The following FBXL14 variants were observed in gnomAD, a reference collection of about 807,000 sequenced individuals.
FBXL14 encodes the protein F-box and leucine rich repeat protein 14, also known as F-box/LRR-repeat protein 14.
FBXL14 carries 11 observed loss-of-function variants against 24.5 expected under a neutral mutation model. That is an observed-to-expected ratio of 0.45 (90% CI 0.28 to 0.74). The LOEUF (loss-of-function observed/expected upper bound fraction) is 0.74, where lower values mean the gene tolerates loss of function less well. Ranked by LOEUF, FBXL14 falls within the 30% of genes least tolerant of loss-of-function variation. The pLI is 0.12. For missense variants in FBXL14, 384 were observed against 545.6 expected, an observed-to-expected ratio of 0.70 and a Z score of 2.95; for synonymous variants, 294 against 240.4, an observed-to-expected ratio of 1.22 and a Z score of -2.06.
intron 1 of FBXL14, among the ~76,000 whole-genome samples, chr12:1,571,233 GT>G (rs2094445008): frequency 2.0e-5 from 3 of 151,850 alleles, no homozygotes; most frequent in Non-Finnish European, 4.4e-5. Flanking sequence ...TTGAGACAGA[GT>G]TTTTGCTCTT....
intron 1 of FBXL14, among the ~76,000 whole-genome samples, chr12:1,571,556 C>T (rs779750973): frequency 6.6e-5 from 10 of 152,184 alleles, no homozygotes; most frequent in Non-Finnish European, 1.3e-4. Context: ...CAACACAGCT[C>T]ATCAGTTTCA....
Position 1,594,169 on chromosome 12 carries a change from G to GCCA in FBXL14, c.-104_-103insTGG. 1.1e-6 allele frequency: 1 copy of GCCA among 916,550 alleles called. No homozygotes were observed. Among genetic ancestry groups the GCCA allele is most frequent in the Non-Finnish European group, 1.4e-6 (1 of 716,960 alleles). The allele number at this position is 916,550 out of a possible 1,614,324, so 56.8% of individuals were successfully genotyped here. ...GCGCTTCTCCCCAGCCGCCGCCGCC[G>GCCA]CCGCCGCCGCCGCCTCGGGCCCAAC... On this transcript the variant is annotated 5_prime_UTR_variant, in exon 1 of 2. Transcript: ENST00000339235.
rs1407831818 is a variant in FBXL14, at chr12:1,593,057, A to G, written c.1010T>C (p.Ile337Thr). The change falls in exon 1 of 2, where the codon ATT becomes ACT. Residue 337 changes from isoleucine to threonine, a missense_variant. Transcript: ENST00000339235. This position sits in a 1 kb window ranked among gnomAD's most constrained non-coding sequence, Gnocchi z 7.4. ...GTCCGTGATGCGCACACACTGTCCA[A>G]TGTTGAGCGTGCGCAGCCCGTGCAT... ...RQMHGLRTLN[I>T]GQCVRITDKG... The G allele has an allele frequency of 6.2e-7, 1 of 1,612,730 alleles. No homozygotes were observed. The highest frequency in any genetic ancestry group is 8.5e-7 in the Non-Finnish European group (1 of 1,180,020).
rs542327756 is a variant in FBXL14, at chr12:1,591,378, A to G, written c.1194+1495T>C. 1.5e-4 allele frequency among the ~76,000 whole-genome samples: 22 copies of G among 144,006 alleles called. 1 individual carries two copies. In the South Asian group the frequency reaches 1.8e-3, roughly 12 times the overall value. The allele number at this position is 144,006 out of a possible 152,430, so 94.5% of individuals were successfully genotyped here. On this transcript the variant is annotated intron_variant, in intron 1 of 1. Coordinates refer to ENST00000339235, the MANE Select transcript of FBXL14 (RefSeq NM_152441.3). ...TTTTTTTTTTTCAAAAACATACTTC[A>G]TATTTCCTCTTTTATTATATAAATA...
chr12:1,593,699 T>C lies in FBXL14; in HGVS notation c.368A>G (p.Asn123Ser), dbSNP rs1291542584. ...AGTGATCTGCTTGCAGAGGCTCAGG[T>C]TGAGAGCGCGCAGGGAGCCGATCTC... ...VQEIGSLRAL[N>S]LSLCKQITDS... Residue 123 changes from asparagine (N) to serine (S), a missense_variant, in exon 1 of 2, where the codon AAC (asparagine) becomes AGC (serine). By Grantham distance (46) the Asn-to-Ser change is conservative (BLOSUM62 1). Coordinates refer to ENST00000339235, the MANE Select transcript of FBXL14 (RefSeq NM_152441.3). This position sits in a 1 kb window ranked among gnomAD's most constrained non-coding sequence, Gnocchi z 7.4. 2.5e-6 allele frequency: 4 copies of C among 1,614,068 alleles called. No individual in the cohort carries two copies. The highest frequency in any genetic ancestry group is 3.4e-6 in the Non-Finnish European group (4 of 1,179,992).
intron 1 of FBXL14, among the ~76,000 whole-genome samples, chr12:1,575,349 CTCTAA>C (rs2154437851): frequency 6.6e-6 from 1 of 152,318 alleles, no homozygotes; most frequent in African/African-American, 2.4e-5. Context: ...TATCTTATTT[CTCTAA>C]TCTTATCTAT....
chr12:1,569,682 G>A lies in FBXL14; in HGVS notation c.1195-2872C>T, dbSNP rs1443007503. 6.6e-6 allele frequency among the ~76,000 whole-genome samples: 1 copy of A among 152,238 alleles called. No individual in the cohort carries two copies. The highest frequency in any genetic ancestry group is 1.5e-5 in the Non-Finnish European group (1 of 68,044). On this transcript the variant is annotated intron_variant, in intron 1 of 1. Coordinates refer to ENST00000339235, the MANE Select transcript of FBXL14 (RefSeq NM_152441.3). The surrounding 1 kb of genome is among the most constrained non-coding windows in gnomAD (Gnocchi z 4.2). ...CCCAGAGTGCTGGGATTACAGGCGTGAGCCACCGCTCCCGGCACCACTTGG... is the reference window on the plus strand; with the variant it reads ...CCCAGAGTGCTGGGATTACAGGCGTAAGCCACCGCTCCCGGCACCACTTGG...
intron 1 of FBXL14, among the ~76,000 whole-genome samples, chr12:1,585,969 T>A (rs780870345): frequency 6.6e-6 from 1 of 152,224 alleles, no homozygotes; most frequent in Non-Finnish European, 1.5e-5. Context: ...TGCATTACTA[T>A]GTGCAACAAA....
At chr12:1,588,382 G>A (rs2094481232) in intron 1 of FBXL14, among the ~76,000 whole-genome samples, 1 of 152,176 alleles carries the variant, frequency 6.6e-6, no homozygotes, top group African/African-American at 2.4e-5. Context: ...GTAAGAGAAA[G>A]TTCATACCTT....
At chr12:1,573,846 A>T (rs2094449931) in intron 1 of FBXL14, among the ~76,000 whole-genome samples, 1 of 152,160 alleles carries the variant, frequency 6.6e-6, no homozygotes, top group African/African-American at 2.4e-5. Context: ...CTCTACTACA[A>T]ATAACACAAT....
rs756919532 is a variant in FBXL14 at position 1,593,154 on chromosome 12, C to T, written c.913G>A (p.Asp305Asn). 1 of 1,613,780 alleles carries T rather than the reference C, an allele frequency of 6.2e-7. No individual in the cohort carries two copies. Among genetic ancestry groups the T allele is most frequent in the Non-Finnish European group, 8.5e-7 (1 of 1,180,042 alleles). Residue 305 changes from aspartate to asparagine, a missense_variant, in exon 1 of 2, where the codon GAT (aspartate) becomes AAT (asparagine). By Grantham distance (23) the Asp-to-Asn change is conservative. Transcript: ENST00000339235. This position sits in a 1 kb window ranked among gnomAD's most constrained non-coding sequence, Gnocchi z 7.4. ...QSLAYIAQGL[D>N]GLKSLSLCSC... is the part of the protein sequence containing the mutation. ...CAGAGGGAGAGAGACTTGAGGCCAT[C>T]CAGCCCCTGGGCTATGTAAGCCAGA...
intron 1 of FBXL14, among the ~76,000 whole-genome samples, chr12:1,570,236 AG>A (rs1447821194): frequency 6.6e-6 from 1 of 152,202 alleles, no homozygotes. Context: ...GAGACAAGGA[AG>A]GGAAGACAGC....
At chr12:1,572,245 G>A (rs1197212010) in intron 1 of FBXL14, among the ~76,000 whole-genome samples, 1 of 152,214 alleles carries the variant, frequency 6.6e-6, no homozygotes, top group Non-Finnish European at 1.5e-5. Context: ...ATAACTTTAT[G>A]AGGTATAATT....
rs1395333430 is a variant in FBXL14, at chr12:1,569,502, G to A, written c.1195-2692C>T. ...TGCAAGCTCCGCTTCCCGGGTTCAC[G>A]CCATTCTCCTGCCTCAGCCTCCTGA... On this transcript the variant is annotated intron_variant, in intron 1 of 1. Transcript: ENST00000339235. This position sits in a 1 kb window ranked among gnomAD's most constrained non-coding sequence, Gnocchi z 4.2. Among the ~76,000 whole-genome samples the A allele has an allele frequency of 2.0e-5, 3 of 150,998 alleles. No homozygotes were observed. Among genetic ancestry groups the A allele is most frequent in the Admixed American group, 6.6e-5 (1 of 15,056 alleles).
At chr12:1,575,260 A>G (rs1011709654) in intron 1 of FBXL14, among the ~76,000 whole-genome samples, 5 of 152,230 alleles carry the variant, frequency 3.3e-5, no homozygotes, top group Non-Finnish European at 5.9e-5. Context: ...ATTTTGAGAT[A>G]AAAGTAGTTT....
intron 1 of FBXL14, among the ~76,000 whole-genome samples, chr12:1,578,123 T>G (rs1339120864): frequency 1.3e-5 from 2 of 152,204 alleles, no homozygotes; most frequent in Non-Finnish European, 2.9e-5. Flanking sequence ...AAAATTTTCT[T>G]TAATGGGAAA....
intron 1 of FBXL14, among the ~76,000 whole-genome samples, 153 bp from the exon 2 acceptor site, chr12:1,566,963 T>C (rs898157640): frequency 1.3e-5 from 2 of 152,016 alleles, no homozygotes; most frequent in African/African-American, 4.8e-5. Context: ...ACTCTAGCCA[T>C]CTCCCGGCTC....
At chr12:1,585,951 T>C (rs1004402489) in intron 1 of FBXL14, among the ~76,000 whole-genome samples, 6 of 152,232 alleles carry the variant, frequency 3.9e-5, no homozygotes, top group African/African-American at 1.2e-4. Flanking sequence ...CTTCCAGCAT[T>C]AGTATTCTGC....
chr12:1,586,973 C>T (rs1158124875), intron 1 of FBXL14, among the ~76,000 whole-genome samples: 1 of 152,214 alleles, frequency 6.6e-6, no homozygotes, highest in Non-Finnish European at 1.5e-5. Context: ...CGCGGTGGCT[C>T]ATGCCTGTAA....
Sources: allele counts gnomAD v4.1 joint callset (sites outside exome capture counted in the v4.1 genomes callset), GRCh38; gene constraint gnomAD v4.1.1; non-coding constraint Gnocchi (gnomAD v3.1); transcripts MANE v1.5; gene names NCBI Gene and HGNC (gene_info 2026-07-23, HGNC 2026-07-21).